Variants in STARD13 observed in about 807,000 individuals in gnomAD.
STARD13 encodes the protein stAR-related lipid transfer protein 13.
A neutral mutation model predicts 106.4 loss-of-function variants in STARD13; 62 were observed. That is an observed-to-expected ratio of 0.58 (90% CI 0.48 to 0.72). The LOEUF is 0.72. Among genes scored for constraint, STARD13 ranks in the 30% least tolerant of loss-of-function variants. The pLI is 0.00. For synonymous variants in STARD13, 565 were observed against 553.0 expected (o/e 1.02, Z -0.31); for missense variants, 1,387 against 1,424.0 (o/e 0.97, Z 0.42).
chr13:33,535,573 ATAACT>A, the STARD13 span, among the ~76,000 whole-genome samples: 1 of 152,234 alleles, frequency 6.6e-6, no homozygotes, highest in African/African-American at 2.4e-5. Context: ...GATTTTCAAA[ATAACT>A]TAATTATATT....
chr13:33,518,314 C>T, the STARD13 span, among the ~76,000 whole-genome samples: 1 of 152,138 alleles, frequency 6.6e-6, no homozygotes, highest in Non-Finnish European at 1.5e-5. Flanking sequence ...ATTTATCCAT[C>T]GAATTGCCCT....
chr13:33,420,919 A>G, the STARD13 span, among the ~76,000 whole-genome samples: 1 of 152,384 alleles, frequency 6.6e-6, no homozygotes, highest in East Asian at 1.9e-4. Flanking sequence ...GAACAAAGAC[A>G]AAACATACCA....
At chr13:33,646,136 G>A in the STARD13 span, among the ~76,000 whole-genome samples, 2 of 152,144 alleles carry the variant, frequency 1.3e-5, no homozygotes, top group Admixed American at 1.3e-4. Flanking sequence ...CACATACTCA[G>A]AGAGCATGTC....
At chr13:33,160,905 C>T (rs1282117646) in intron 3 of STARD13, among the ~76,000 whole-genome samples, 2 of 152,096 alleles carry the variant, frequency 1.3e-5, no homozygotes, top group African/African-American at 4.8e-5. Flanking sequence ...GCCCACGATC[C>T]CATTCCTAGG....
the STARD13 span, among the ~76,000 whole-genome samples, chr13:33,595,970 A>G: frequency 2.0e-5 from 3 of 152,146 alleles, no homozygotes; most frequent in Non-Finnish European, 4.4e-5. Context: ...TTTAAATTGT[A>G]TTGGATCTTG....
chr13:33,404,493 A>T, the STARD13 span, among the ~76,000 whole-genome samples: 1 of 152,228 alleles, frequency 6.6e-6, no homozygotes, highest in Non-Finnish European at 1.5e-5. Context: ...TTTAGAATGC[A>T]TGGCTGGTGA....
chr13:33,308,824 T>C (rs1424326411), intron 1 of STARD13, among the ~76,000 whole-genome samples: 2 of 152,104 alleles, frequency 1.3e-5, no homozygotes. Flanking sequence ...ACGCCCAGCC[T>C]GTTTTCTAAT....
At chr13:33,592,649 C>T in the STARD13 span, among the ~76,000 whole-genome samples, 1 of 152,098 alleles carries the variant, frequency 6.6e-6, no homozygotes, top group Admixed American at 6.6e-5. Context: ...ATAAGGAGTG[C>T]AACGAAGAGC....
At chr13:33,360,618 A>T in the STARD13 span, among the ~76,000 whole-genome samples, 68 of 32,020 alleles carry the variant, frequency 2.1e-3, no homozygotes, top group African/African-American at 7.6e-3. Flanking sequence ...AATTACTTTT[A>T]TTATTTAATA....
the STARD13 span, among the ~76,000 whole-genome samples, chr13:33,603,995 A>T: frequency 1.8e-4 from 27 of 152,326 alleles, no homozygotes; most frequent in African/African-American, 6.0e-4. Flanking sequence ...CCAAAGAAAT[A>T]AGACACTCTT....
intron 4 of STARD13, chr13:33,138,865 T>C (rs1359566402): frequency 2.1e-6 from 1 of 478,870 alleles, no homozygotes; most frequent in East Asian, 5.9e-5. Flanking sequence ...TTTTCTCTTC[T>C]GCAAAACAGT....
At chr13:33,599,919 G>A in the STARD13 span, among the ~76,000 whole-genome samples, 1 of 152,126 alleles carries the variant, frequency 6.6e-6, no homozygotes, top group African/African-American at 2.4e-5. Flanking sequence ...TGGTCACAAA[G>A]TTTCTCCATG....
the STARD13 span, among the ~76,000 whole-genome samples, chr13:33,524,700 A>G: frequency 6.6e-6 from 1 of 152,006 alleles, no homozygotes; most frequent in African/African-American, 2.4e-5. Flanking sequence ...TATTTTATGT[A>G]TTTATTATAA....
At chr13:33,553,644 A>G in the STARD13 span, among the ~76,000 whole-genome samples, 6 of 147,946 alleles carry the variant, frequency 4.1e-5, no homozygotes, top group Non-Finnish European at 7.4e-5. Flanking sequence ...TAGTGGCGCT[A>G]TCTTGGCTCA....
chr13:33,528,260 A>ATG, the STARD13 span, among the ~76,000 whole-genome samples: 7 of 127,246 alleles, frequency 5.5e-5, no homozygotes, highest in African/African-American at 2.5e-4. Flanking sequence ...ATATATACAT[A>ATG]TATATATATA....
At chr13:33,561,025 ACT>A in the STARD13 span, among the ~76,000 whole-genome samples, 1 of 151,576 alleles carries the variant, frequency 6.6e-6, no homozygotes, top group Non-Finnish European at 1.5e-5. Context: ...CTCAGAGGCC[ACT>A]GTTGCCAGCA....
chr13:33,218,270 C>T (rs571574982), intron 1 of STARD13, among the ~76,000 whole-genome samples: 3 of 152,242 alleles, frequency 2.0e-5, no homozygotes, highest in Non-Finnish European at 4.4e-5. Context: ...TCTGAGCCCA[C>T]GGCCTGTCCC....
the STARD13 span, among the ~76,000 whole-genome samples, chr13:33,586,028 C>T: frequency 6.6e-6 from 1 of 151,992 alleles, no homozygotes; most frequent in Non-Finnish European, 1.5e-5. Flanking sequence ...ATGCACAACA[C>T]TGTGAATGTA....
At chr13:33,674,794 C>G in the STARD13 span, among the ~76,000 whole-genome samples, 5 of 151,960 alleles carry the variant, frequency 3.3e-5, no homozygotes, top group African/African-American at 1.2e-4. Flanking sequence ...TTTGTTTCCC[C>G]CCTATTATTC....
Sources: gnomAD v4.1 joint callset for allele counts (sites outside exome capture counted in the v4.1 genomes callset) on GRCh38, gnomAD v4.1.1 for gene constraint, MANE v1.5 for transcripts, NCBI Gene and HGNC (gene_info 2026-07-23, HGNC 2026-07-21) for gene names.